Variants in EBF3 observed in about 807,000 individuals in gnomAD.
The protein encoded by EBF3 is transcription factor COE3.
A neutral mutation model predicts 77.1 loss-of-function variants in EBF3; 18 were observed. That is an observed-to-expected ratio of 0.23 (90% confidence interval 0.16 to 0.35). The LOEUF (loss-of-function observed/expected upper bound fraction) is 0.35. Among genes scored for constraint, EBF3 ranks in the 10% least tolerant of loss-of-function variants. The pLI is 1.00. For missense variants in EBF3, 558 were observed against 860.0 expected (o/e 0.65, Z 4.39); for synonymous variants, 350 against 343.5 (o/e 1.02, Z -0.21).
In EBF3 at chr10:129,877,777, C is replaced by T; in HGVS notation, c.627G>A (p.Arg209=). The part of the protein sequence containing the change: ...LKNAGNPRDM[R]RFQVVVSTTV... ...TTTGAGAAATGTATACCTGGAATCT[C>T]CGCATATCTCGAGGGTTGCCTGCAT... The change falls in exon 7 of 17, where the codon CGG becomes CGA. Residue 209 remains arginine, a synonymous_variant. Coordinates refer to ENST00000440978, the MANE Select transcript of EBF3 (RefSeq NM_001375380.1). The T allele has an allele frequency of 1.2e-6, 2 of 1,613,788 alleles. No homozygotes were observed. Among genetic ancestry groups the T allele is most frequent in the Non-Finnish European group, 1.7e-6 (2 of 1,179,908 alleles).
chr10:129,960,268 C>G (rs1859402479), intron 4 of EBF3, among the ~76,000 whole-genome samples: 1 of 152,216 alleles, frequency 6.6e-6, no homozygotes, highest in South Asian at 2.1e-4. Context: ...TCCAACCTCC[C>G]CGGGCACTTC....
At chr10:129,931,049 TC>T (rs1564900758) in intron 6 of EBF3, among the ~76,000 whole-genome samples, 3 of 146,400 alleles carry the variant, frequency 2.0e-5, no homozygotes, top group South Asian at 4.4e-4. Flanking sequence ...TATTAACAAA[TC>T]CCCCCATATA....
At chr10:129,929,611 T>C (rs908336770) in intron 6 of EBF3, among the ~76,000 whole-genome samples, 5 of 152,308 alleles carry the variant, frequency 3.3e-5, no homozygotes, top group Non-Finnish European at 7.4e-5. Context: ...AAATCAGTAA[T>C]GCGTCTGGAT....
chr10:129,914,317 A>T (rs1855726451), intron 6 of EBF3, among the ~76,000 whole-genome samples: 1 of 152,152 alleles, frequency 6.6e-6, no homozygotes, highest in Non-Finnish European at 1.5e-5. Flanking sequence ...GGCGTTGGGC[A>T]TCAGTGCTCT....
At chr10:129,941,037 G>A (rs1257229341) in intron 6 of EBF3, among the ~76,000 whole-genome samples, 1 of 152,174 alleles carries the variant, frequency 6.6e-6, no homozygotes, top group African/African-American at 2.4e-5. Flanking sequence ...CCAGGTCCCA[G>A]GAACACGTGA....
intron 6 of EBF3, among the ~76,000 whole-genome samples, chr10:129,939,505 G>A (rs979648975): frequency 6.6e-6 from 1 of 152,106 alleles, no homozygotes; most frequent in African/African-American, 2.4e-5. Flanking sequence ...AAGACTTGGG[G>A]TTTTTGTTTT....
intron 10 of EBF3, among the ~76,000 whole-genome samples, chr10:129,866,880 C>T (rs1459595233): frequency 1.3e-5 from 2 of 152,226 alleles, no homozygotes; most frequent in African/African-American, 4.8e-5. Flanking sequence ...ACTTTGTTTA[C>T]AGGTGAGAAG....
chr10:129,955,146 A>G (rs1858946096), intron 6 of EBF3, among the ~76,000 whole-genome samples: 1 of 152,184 alleles, frequency 6.6e-6, no homozygotes, highest in Admixed American at 6.5e-5. Context: ...CAGACAACAC[A>G]ATGCTAATAG....
chr10:129,897,905 C>T lies in EBF3; in HGVS notation c.555-20056G>A, dbSNP rs1405447779. 1.3e-5 allele frequency among the ~76,000 whole-genome samples: 2 copies of T among 152,280 alleles called. No individual in the cohort carries two copies. Among genetic ancestry groups the T allele is most frequent in the South Asian group, 2.1e-4 (1 of 4,822 alleles). ...TCCTCCAAATGCTGCAATTTCTGCC[C>T]TTTTCCTGGTGAGGAATTTCAAATA... is the stretch of plus-strand genomic sequence containing the variant. On this transcript the variant is annotated intron_variant, in intron 6 of 16. Transcript: ENST00000440978. This position sits in a 1 kb window ranked among gnomAD's most constrained non-coding sequence, Gnocchi z 4.6.
chr10:129,896,845 G>A (rs904856285), intron 6 of EBF3, among the ~76,000 whole-genome samples: 9 of 152,200 alleles, frequency 5.9e-5, no homozygotes, highest in Non-Finnish European at 1.3e-4. Context: ...ACTTGGCAGG[G>A]GAGTCGACCA....
chr10:129,865,534 G>GT (rs934444546), intron 10 of EBF3, among the ~76,000 whole-genome samples: 2 of 152,140 alleles, frequency 1.3e-5, no homozygotes, highest in East Asian at 3.9e-4. Flanking sequence ...ACAGAAGGTG[G>GT]CCCCTAGTGT....
At chr10:129,919,910 A>G (rs886214570) in intron 6 of EBF3, among the ~76,000 whole-genome samples, 2 of 152,190 alleles carry the variant, frequency 1.3e-5, no homozygotes, top group African/African-American at 4.8e-5. Flanking sequence ...CCGCTTAATC[A>G]ATCAGACAGA....
chr10:129,899,012 G>A (rs1161958020), intron 6 of EBF3, among the ~76,000 whole-genome samples: 5 of 152,282 alleles, frequency 3.3e-5, no homozygotes, highest in South Asian at 4.1e-4. Flanking sequence ...ACGGCTACAC[G>A]TCGGAGCGCG....
chr10:129,883,576 G>C (rs1199815570), intron 6 of EBF3, among the ~76,000 whole-genome samples: 1 of 152,208 alleles, frequency 6.6e-6, no homozygotes, highest in Non-Finnish European at 1.5e-5. Flanking sequence ...GTGAATCATG[G>C]AGGTGACAGC....
chr10:129,934,869 G>T (rs887072428), intron 6 of EBF3, among the ~76,000 whole-genome samples: 1 of 152,058 alleles, frequency 6.6e-6, no homozygotes, highest in Admixed American at 6.5e-5. Flanking sequence ...CTGGGCCCTC[G>T]GGAAACTTCT....
At position 129,863,301 on chromosome 10, in the gene EBF3, C is replaced by G. The variant is rs996189805; in HGVS notation, c.1039+3840G>C. Among the ~76,000 whole-genome samples the G allele has an allele frequency of 6.6e-6, 1 of 152,336 alleles. No individual in the cohort carries two copies. The highest frequency in any genetic ancestry group is 2.1e-4 in the South Asian group (1 of 4,826). Reference sequence around the variant, plus strand: ...TCTTTTAATTCACCGTGCTAATCAACTGAACCGCCACAGCCTCCCAAGGTA... The same window carrying G: ...TCTTTTAATTCACCGTGCTAATCAAGTGAACCGCCACAGCCTCCCAAGGTA... On this transcript the variant is annotated intron_variant, in intron 10 of 16. Coordinates refer to ENST00000440978, the MANE Select transcript of EBF3 (RefSeq NM_001375380.1). This position sits in a 1 kb window ranked among gnomAD's most constrained non-coding sequence, Gnocchi z 4.0.
Position 129,963,325 on chromosome 10 carries a change from C to A in EBF3, c.291+42G>T, listed in dbSNP as rs1296838683. 1.9e-6 allele frequency: 3 copies of A among 1,554,260 alleles called. No individual in the cohort carries two copies. Among genetic ancestry groups the A allele is most frequent in the Non-Finnish European group, 2.6e-6 (3 of 1,152,740 alleles). ...GCGCACCGGCACCGCCTGCCTCCCG[C>A]TTCTAGAAAGAGAGAGGGTGTGATC... On this transcript the variant is annotated intron_variant, in intron 2 of 16. Transcript: ENST00000440978. This position sits in a 1 kb window ranked among gnomAD's most constrained non-coding sequence, Gnocchi z 7.1.
intron 15 of EBF3, 87 bp downstream of exon 15, chr10:129,840,158 A>C: frequency 6.9e-7 from 1 of 1,457,448 alleles, no homozygotes; most frequent in Non-Finnish European, 9.2e-7. Flanking sequence ...CAGAGGTGCC[A>C]GGAGAAAGGC....
At chr10:129,954,542 C>A (rs1357030672) in intron 6 of EBF3, among the ~76,000 whole-genome samples, 1 of 151,226 alleles carries the variant, frequency 6.6e-6, no homozygotes, top group Non-Finnish European at 1.5e-5. Context: ...AATGTGATTA[C>A]CCTGCCAGAG....
Sources: gnomAD v4.1 joint callset for allele counts (sites outside exome capture counted in the v4.1 genomes callset) on GRCh38, gnomAD v4.1.1 for gene constraint, Gnocchi (gnomAD v3.1) non-coding constraint, MANE v1.5 for transcripts, NCBI Gene and HGNC (gene_info 2026-07-23, HGNC 2026-07-21) for gene names.